NOVA1: variants seen among roughly 807,000 people sequenced by gnomAD.
NOVA1 encodes NOVA alternative splicing regulator 1, also known as RNA-binding protein Nova-1.
Under a neutral mutation model 38.0 loss-of-function variants are expected in NOVA1, and 7 were observed. The ratio of observed to expected loss-of-function variants is 0.18; its 90% CI spans 0.10 to 0.35. The LOEUF (loss-of-function observed/expected upper bound fraction) is 0.35. Ranked by LOEUF, NOVA1 falls within the 10% of genes least tolerant of loss-of-function variation. The pLI, the probability that NOVA1 is intolerant of heterozygous loss-of-function variation, is 1.00. For missense variants in NOVA1, 460 were observed against 616.0 expected, an observed-to-expected ratio of 0.75 and a Z score of 2.68; for synonymous variants, 270 against 232.5, an observed-to-expected ratio of 1.16 and a Z score of -1.47.
At chr14:26,528,681 A>G (rs1889473182) in intron 2 of NOVA1, among the ~76,000 whole-genome samples, 1 of 152,184 alleles carries the variant, frequency 6.6e-6, no homozygotes. Context: ...CTGTTGACCA[A>G]TGAAGAATCT....
chr14:26,469,805 T>C (rs1884439617), intron 4 of NOVA1, among the ~76,000 whole-genome samples: 1 of 152,128 alleles, frequency 6.6e-6, no homozygotes, highest in Non-Finnish European at 1.5e-5. Context: ...TATGTTATGT[T>C]GCCCAGGATG....
intron 4 of NOVA1, among the ~76,000 whole-genome samples, chr14:26,453,569 T>G (rs2138576297): frequency 6.6e-6 from 1 of 152,284 alleles, no homozygotes; most frequent in African/African-American, 2.4e-5. Flanking sequence ...ATAACAATCC[T>G]ATGAGTTTTA....
At chr14:26,573,937 G>C (rs1255580229) in intron 2 of NOVA1, among the ~76,000 whole-genome samples, 1 of 151,316 alleles carries the variant, frequency 6.6e-6, no homozygotes, top group Admixed American at 6.6e-5. Flanking sequence ...TACACAAAGT[G>C]CAAGACAATA....
Position 26,447,798 on chromosome 14 carries a change from AAC to A in NOVA1, c.*159_*160del, listed in dbSNP as rs1882200523. 4.8e-6 allele frequency: 3 copies of A among 630,838 alleles called. No homozygotes were observed. The highest frequency in any genetic ancestry group is 2.7e-5 in the East Asian group (1 of 36,476). The allele number at this position is 630,838 out of a possible 1,614,324, so 39.1% of individuals were successfully genotyped here. On this transcript the variant is annotated 3_prime_UTR_variant, in exon 5 of 5. Coordinates refer to ENST00000539517, the MANE Select transcript of NOVA1 (RefSeq NM_002515.3). ...ATTCTTTCTATGAAACATCTGGTAA[AAC>A]ACATATTATTTACATATACACATTG...
chr14:26,502,472 T>C (rs1048082253), intron 2 of NOVA1, among the ~76,000 whole-genome samples: 2 of 151,916 alleles, frequency 1.3e-5, no homozygotes, highest in African/African-American at 4.8e-5. Flanking sequence ...AATTAAATAG[T>C]ATTAGCATTT....
At chr14:26,509,807 A>G (rs1452958983) in intron 2 of NOVA1, among the ~76,000 whole-genome samples, 1 of 152,168 alleles carries the variant, frequency 6.6e-6, no homozygotes, top group African/African-American at 2.4e-5. Context: ...CAGCCTCCTG[A>G]GTAGCTGAGA....
chr14:26,458,055 G>A (rs1419731918), intron 4 of NOVA1, among the ~76,000 whole-genome samples: 2 of 152,228 alleles, frequency 1.3e-5, no homozygotes, highest in East Asian at 3.9e-4. Context: ...AGACATACAT[G>A]TGGCCAACAT....
chr14:26,595,369 G>A, intron 2 of NOVA1, 41 bp downstream of exon 2: 1 of 1,591,726 alleles, frequency 6.3e-7, no homozygotes, highest in African/African-American at 1.4e-5. Context: ...TTTCTTTCCT[G>A]TGGGGAGCTC....
intron 2 of NOVA1, among the ~76,000 whole-genome samples, chr14:26,517,296 T>C (rs1233113580): frequency 2.0e-5 from 3 of 152,150 alleles, no homozygotes; most frequent in African/African-American, 4.8e-5. Flanking sequence ...AGAATGCTCT[T>C]TTCCACCTAA....
At chr14:26,597,155 A>G (rs1594604813) in intron 1 of NOVA1, 146 bp downstream of exon 1, 1 of 1,055,042 alleles carries the variant, frequency 9.5e-7, no homozygotes. Flanking sequence ...GGCGCGGGGC[A>G]GGGGCGCAGG....
chr14:26,449,507 A>G (rs73597985), intron 4 of NOVA1, among the ~76,000 whole-genome samples: 4,587 of 152,174 alleles, frequency 0.03, 210 homozygotes, highest in African/African-American at 0.1. Context: ...AAGATAGCTT[A>G]CTTGTTTCAT....
intron 2 of NOVA1, among the ~76,000 whole-genome samples, chr14:26,562,796 T>A (rs1270943676): frequency 1.3e-5 from 2 of 152,154 alleles, no homozygotes; most frequent in Non-Finnish European, 2.9e-5. Context: ...CTACTTTACA[T>A]ATTCTCTTCT....
chr14:26,541,837 T>C (rs1890484988), intron 2 of NOVA1, among the ~76,000 whole-genome samples: 1 of 151,812 alleles, frequency 6.6e-6, no homozygotes, highest in Non-Finnish European at 1.5e-5. Context: ...TATTTTGTAG[T>C]TTGTTTCTTC....
intron 2 of NOVA1, among the ~76,000 whole-genome samples, chr14:26,572,861 C>CT: frequency 6.6e-6 from 1 of 151,622 alleles, no homozygotes; most frequent in Non-Finnish European, 1.5e-5. Context: ...ATTATGTGTA[C>CT]TTTTAGGGTA....
chr14:26,479,075 T>G (rs1024294032), intron 3 of NOVA1: 3 of 151,958 alleles, frequency 2.0e-5, no homozygotes, highest in African/African-American at 2.4e-5. Flanking sequence ...CATTTCAAAT[T>G]TATTACAATG....
chr14:26,484,571 C>T (rs889842373), intron 2 of NOVA1, among the ~76,000 whole-genome samples: 1 of 151,768 alleles, frequency 6.6e-6, no homozygotes, highest in Non-Finnish European at 1.5e-5. Flanking sequence ...TTTCCTTATC[C>T]CTCAAAATTC....
At position 26,556,598 on chromosome 14, in the gene NOVA1, T is replaced by C. The variant is rs1289719602; in HGVS notation, c.280+38812A>G. Among the ~76,000 whole-genome samples, 3 of 152,182 alleles carry C rather than the reference T, an allele frequency of 2.0e-5. No homozygotes were observed. The East Asian group carries it at 5.8e-4, about 29-fold the overall frequency. On this transcript the variant is annotated intron_variant, in intron 2 of 4. Transcript: ENST00000539517. ...ATCAGGGTGACCTTGTGCTTGATAA[T>C]GATGTTTTAGATACACCAAAAGCAG...
intron 2 of NOVA1, among the ~76,000 whole-genome samples, chr14:26,533,188 C>T (rs926552295): frequency 1.1e-4 from 17 of 152,186 alleles, no homozygotes; most frequent in African/African-American, 4.1e-4. Context: ...TGACTTCTCC[C>T]TCATCTACCG....
intron 2 of NOVA1, among the ~76,000 whole-genome samples, chr14:26,525,798 T>C (rs1889251464): frequency 6.6e-6 from 1 of 152,096 alleles, no homozygotes; most frequent in South Asian, 2.1e-4. Flanking sequence ...GTTTCTCCAG[T>C]ATTTTCATCT....
Sources: gnomAD v4.1 joint callset for allele counts (sites outside exome capture counted in the v4.1 genomes callset) on GRCh38, gnomAD v4.1.1 for gene constraint, MANE v1.5 for transcripts, NCBI Gene and HGNC (gene_info 2026-07-23, HGNC 2026-07-21) for gene names.